The following MICU2 variants were observed in gnomAD, a reference collection of about 807,000 sequenced individuals.
MICU2 encodes the protein calcium uptake protein 2, mitochondrial.
In MICU2, 64 loss-of-function variants were observed where a neutral mutation model predicts 60.4. That is an observed-to-expected ratio of 1.06 (90% CI 0.87 to 1.31). MICU2 has a LOEUF of 1.31. Ranked by LOEUF, MICU2 falls within the 50% of genes most tolerant of loss-of-function variation. The probability of loss-of-function intolerance (pLI) is 0.00; values close to 1 mark genes in which losing one functional copy is unlikely to be tolerated. For missense variants in MICU2, 569 were observed against 531.0 expected, an observed-to-expected ratio of 1.07 and a Z score of -0.70; for synonymous variants, 201 against 175.0, an observed-to-expected ratio of 1.15 and a Z score of -1.17.
At chr13:21,511,380 T>C (rs535727334) in intron 7 of MICU2, among the ~76,000 whole-genome samples, 9 of 151,960 alleles carry the variant, frequency 5.9e-5, no homozygotes, top group African/African-American at 2.2e-4. Context: ...TAGCAAGAAA[T>C]AGAAAAAGAA....
rs34999871 is a variant in MICU2, at chr13:21,526,113, C to CTT, written c.467-3465_467-3464dup. On this transcript the variant is annotated intron_variant, in intron 4 of 11. Coordinates refer to ENST00000382374, the MANE Select transcript of MICU2 (RefSeq NM_152726.3). ...CCACCATGTCTAGCTAATTAAAATA[C>CTT]TTTTTTTTTTTTTTTTTTTTTGGAG... is the stretch of plus-strand genomic sequence containing the variant. Among the ~76,000 whole-genome samples the CTT allele has an allele frequency of 4.7e-3, 521 of 110,554 alleles. 1 individual carries two copies. The highest frequency in any genetic ancestry group is 6.9e-3 in the Non-Finnish European group (370 of 53,518). 72.5% of individuals were successfully genotyped at this position (110,554 alleles called of 152,430 possible).
Position 21,588,282 on chromosome 13 carries a change from G to A in MICU2, c.210+15657C>T, listed in dbSNP as rs1888502057. Among the ~76,000 whole-genome samples, 5 of 152,210 alleles carry A rather than the reference G, an allele frequency of 3.3e-5. No individual in the cohort carries two copies. In the South Asian group the frequency reaches 6.2e-4, roughly 19 times the overall value. Reference sequence around the variant, plus strand: ...AATGGATCAAATATTCCATCCACACGTTAAACAAAACAATTGTTATGCTTG... The same window carrying A: ...AATGGATCAAATATTCCATCCACACATTAAACAAAACAATTGTTATGCTTG... On this transcript the variant is annotated intron_variant, in intron 1 of 11. Coordinates refer to ENST00000382374, the MANE Select transcript of MICU2 (RefSeq NM_152726.3).
intron 1 of MICU2, among the ~76,000 whole-genome samples, chr13:21,592,494 T>C (rs1382158151): frequency 1.3e-5 from 1 of 76,740 alleles, no homozygotes; most frequent in Non-Finnish European, 2.6e-5. Context: ...AAGGAGGGAC[T>C]CCTCTCAAAC....
chr13:21,527,363 C>G (rs1886884318), intron 4 of MICU2, among the ~76,000 whole-genome samples: 1 of 152,164 alleles, frequency 6.6e-6, no homozygotes, highest in East Asian at 1.9e-4. Context: ...GGAGGCCTTG[C>G]TTTTCTTCTC....
intron 8 of MICU2, among the ~76,000 whole-genome samples, chr13:21,503,722 A>T (rs1403488416): frequency 6.6e-6 from 1 of 152,266 alleles, no homozygotes; most frequent in Non-Finnish European, 1.5e-5. Context: ...CACGTTGAAA[A>T]GATATCAGAT....
chr13:21,580,288 G>A (rs1167904542), intron 1 of MICU2, among the ~76,000 whole-genome samples: 3 of 152,190 alleles, frequency 2.0e-5, no homozygotes, highest in East Asian at 3.9e-4. Context: ...TCTTTACCTT[G>A]ATCCCCAAGA....
rs1885906437 is a variant in MICU2, at chr13:21,493,291, TC to T, written c.1262del (p.Gly421GlufsTer2). On this transcript the variant is annotated frameshift_variant, in exon 12 of 12. Transcript: ENST00000382374. LOFTEE classifies it high-confidence loss of function. ...CAGCTTGTTTCCAGACTTCTTTTAC[TC>T]CTTTAATGCTTTCTTTCTTCACACA... is the stretch of plus-strand genomic sequence containing the variant. ...WKCVKKESIK[G>X]VKEVWKQAGK... 2.5e-6 allele frequency: 4 copies of T among 1,611,190 alleles called. No individual in the cohort carries two copies. The highest frequency in any genetic ancestry group is 3.4e-6 in the Non-Finnish European group (4 of 1,178,978).
At chr13:21,566,990 C>T (rs760631435) in intron 1 of MICU2, 46 bp from the exon 2 acceptor site, 2 of 1,511,932 alleles carry the variant, frequency 1.3e-6, no homozygotes, top group African/African-American at 2.8e-5. Flanking sequence ...CAGTGTTATT[C>T]CCAGTCACTT....
chr13:21,507,320 G>A (rs911067348), intron 8 of MICU2, among the ~76,000 whole-genome samples: 4 of 152,096 alleles, frequency 2.6e-5, no homozygotes, highest in South Asian at 2.1e-4. Context: ...TTAGGGAATC[G>A]TAAAGTGAAG....
chr13:21,581,022 CCTGAT>C (rs533706534), intron 1 of MICU2, among the ~76,000 whole-genome samples: 41 of 152,272 alleles, frequency 2.7e-4, no homozygotes, highest in African/African-American at 9.9e-4. Flanking sequence ...TCAACAATTA[CCTGAT>C]CTGAAGGTAA....
Position 21,539,473 on chromosome 13 carries a change from T to G in MICU2, c.391-96A>C, listed in dbSNP as rs990485936. The G allele has an allele frequency of 1.7e-4, 232 of 1,364,674 alleles. 1 individual carries two copies. Among genetic ancestry groups the G allele is most frequent in the Non-Finnish European group, 2.3e-4 (221 of 981,264 alleles). 84.5% of individuals were successfully genotyped at this position (1,364,674 alleles called of 1,614,324 possible). A position where few individuals can be genotyped will look rare whatever the true frequency, so the allele number is the denominator to read the frequency against. On this transcript the variant is annotated intron_variant, in intron 3 of 11. Transcript: ENST00000382374. ...ACCTCCATAGCCGGCTAATTTCTTTTTGTATTTTTAGTAGACACAGGGCTT... is the reference window on the plus strand; with the variant it reads ...ACCTCCATAGCCGGCTAATTTCTTTGTGTATTTTTAGTAGACACAGGGCTT...
Position 21,522,622 on chromosome 13 carries a change from GA to G in MICU2, c.494del (p.Phe165SerfsTer27). On this transcript the variant is annotated frameshift_variant, in exon 5 of 12. Transcript: ENST00000382374. LOFTEE classifies it high-confidence loss of function. ...KGLISYTEYL[F>X]LLTILTKPHS... Reference sequence around the variant, plus strand: ...ACTTACTAGTGAGGATTGTAAGCAAGAAAAGATACTCGGTATATGAAATTAG... The same window carrying G: ...ACTTACTAGTGAGGATTGTAAGCAAGAAAGATACTCGGTATATGAAATTAG... 1 of 1,603,858 alleles carries G rather than the reference GA, an allele frequency of 6.2e-7. No homozygotes were observed. The highest frequency in any genetic ancestry group is 8.5e-7 in the Non-Finnish European group (1 of 1,175,024).
intron 4 of MICU2, among the ~76,000 whole-genome samples, chr13:21,535,342 CATAAG>C (rs1887106146): frequency 6.6e-6 from 1 of 152,048 alleles, no homozygotes; most frequent in Non-Finnish European, 1.5e-5. Context: ...ATCAAATAAT[CATAAG>C]ATAACTCAGT....
intron 9 of MICU2, among the ~76,000 whole-genome samples, chr13:21,501,910 A>G (rs554536842): frequency 6.6e-6 from 1 of 152,192 alleles, no homozygotes; most frequent in Non-Finnish European, 1.5e-5. Flanking sequence ...GACTCCTATC[A>G]GCCCACAATG....
chr13:21,498,821 G>GAA (rs71093318), intron 9 of MICU2, among the ~76,000 whole-genome samples: 79 of 149,294 alleles, frequency 5.3e-4, no homozygotes, highest in African/African-American at 1.6e-3. Context: ...GGGAAAAAAG[G>GAA]AAAAAAAAAA....
chr13:21,512,853 A>G (rs372485094), intron 7 of MICU2, among the ~76,000 whole-genome samples: 3 of 152,198 alleles, frequency 2.0e-5, no homozygotes, highest in Non-Finnish European at 4.4e-5. Flanking sequence ...TAAGAGCTCT[A>G]TAAGTTTAGC....
At chr13:21,574,767 T>C (rs1279806942) in intron 1 of MICU2, among the ~76,000 whole-genome samples, 1 of 152,202 alleles carries the variant, frequency 6.6e-6, no homozygotes, top group East Asian at 1.9e-4. Context: ...AAATATAAAA[T>C]TGCTCTGTTG....
rs1286951418 is a variant in MICU2 at position 21,566,787 on chromosome 13, C to T, written c.358+10G>A. On this transcript the variant is annotated intron_variant, in intron 2 of 11. Coordinates refer to ENST00000382374, the MANE Select transcript of MICU2 (RefSeq NM_152726.3). ...TTTTTTTAATTAAAAAAAAAAAAGA[C>T]CCAACTCACGTTCCATTTGCTCAAA... is the stretch of plus-strand genomic sequence containing the variant. 3 of 1,531,546 alleles carry T rather than the reference C, an allele frequency of 2.0e-6. No homozygotes were observed. Among genetic ancestry groups the T allele is most frequent in the Non-Finnish European group, 2.6e-6 (3 of 1,145,198 alleles). 94.9% of individuals were successfully genotyped at this position (1,531,546 alleles called of 1,614,324 possible).
intron 4 of MICU2, among the ~76,000 whole-genome samples, chr13:21,529,121 T>A (rs2138177964): frequency 6.6e-6 from 1 of 152,288 alleles, no homozygotes. Context: ...TGTTTCCTAT[T>A]CTCTAGAGGT....
Sources: gnomAD v4.1 joint callset for allele counts (sites outside exome capture counted in the v4.1 genomes callset) on GRCh38, gnomAD v4.1.1 for gene constraint, MANE v1.5 for transcripts, NCBI Gene and HGNC (gene_info 2026-07-23, HGNC 2026-07-21) for gene names.